The following HDAC9 variants were observed in gnomAD, a reference collection of about 807,000 sequenced individuals.
The protein encoded by HDAC9 is MEF-2 interacting transcription repressor (MITR) protein.
Under a neutral mutation model 139.4 loss-of-function variants are expected in HDAC9, and 41 were observed. The observed-to-expected ratio is 0.29, with a 90% confidence interval of 0.23 to 0.38. The LOEUF is 0.38. Among genes scored for constraint, HDAC9 ranks in the 10% least tolerant of loss-of-function variants. The probability of loss-of-function intolerance (pLI) is 1.00; values close to 1 mark genes in which losing one functional copy is unlikely to be tolerated. For missense variants in HDAC9, 1,147 were observed against 1,297.0 expected (o/e 0.88, Z 1.78); for synonymous variants, 517 against 476.2 (o/e 1.09, Z -1.12).
chr7:18,162,917 C>T (rs1020461750), intron 2 of HDAC9, among the ~76,000 whole-genome samples: 1 of 152,102 alleles, frequency 6.6e-6, no homozygotes, highest in Admixed American at 6.6e-5. Flanking sequence ...AGCCAACACC[C>T]GTTCCTCCAG....
chr7:18,104,747 G>A (rs1160069629), intron 1 of HDAC9, among the ~76,000 whole-genome samples: 1 of 151,862 alleles, frequency 6.6e-6, no homozygotes, highest in Admixed American at 6.6e-5. Context: ...CCTCAGTGTG[G>A]GCATATTCTG....
chr7:18,936,221 C>T (rs528694802), intron 23 of HDAC9, among the ~76,000 whole-genome samples: 3 of 152,034 alleles, frequency 2.0e-5, no homozygotes, highest in Non-Finnish European at 4.4e-5. Context: ...AGTACGGAAA[C>T]ATTGAATAAG....
At chr7:18,991,224 A>G (rs1785906634) in intron 25 of HDAC9, among the ~76,000 whole-genome samples, 1 of 152,172 alleles carries the variant, frequency 6.6e-6, no homozygotes, top group Admixed American at 6.5e-5. Flanking sequence ...ATAACATTGG[A>G]GGGGGGAGAT....
intron 22 of HDAC9, among the ~76,000 whole-genome samples, chr7:18,912,093 C>T (rs959346856): frequency 1.3e-5 from 2 of 151,742 alleles, no homozygotes; most frequent in Non-Finnish European, 1.5e-5. Context: ...TATTGAAGTC[C>T]CTAACTATTT....
intron 1 of HDAC9, among the ~76,000 whole-genome samples, chr7:18,312,627 T>A (rs1799392310): frequency 6.6e-6 from 1 of 152,172 alleles, no homozygotes; most frequent in Non-Finnish European, 1.5e-5. Context: ...CTCTATATGG[T>A]CTTTTATTCT....
chr7:18,382,138 A>G (rs1449247816), intron 1 of HDAC9, among the ~76,000 whole-genome samples: 1 of 152,194 alleles, frequency 6.6e-6, no homozygotes, highest in East Asian at 1.9e-4. Context: ...CCTTTAGGAA[A>G]TATCCAAAAT....
intron 12 of HDAC9, among the ~76,000 whole-genome samples, chr7:18,700,207 C>T (rs1241171850): frequency 1.3e-5 from 2 of 152,188 alleles, no homozygotes; most frequent in Non-Finnish European, 2.9e-5. Flanking sequence ...GTTTCCTCTA[C>T]TTCAACAATC....
chr7:18,987,939 C>G (rs758738925), intron 25 of HDAC9, among the ~76,000 whole-genome samples: 1 of 142,126 alleles, frequency 7.0e-6, no homozygotes, highest in East Asian at 2.0e-4. Flanking sequence ...TTTATCGCAT[C>G]TATTTGATTC....
At chr7:18,759,308 G>C (rs745516581) in intron 14 of HDAC9, among the ~76,000 whole-genome samples, 2 of 152,142 alleles carry the variant, frequency 1.3e-5, no homozygotes, top group African/African-American at 2.4e-5. Context: ...AGGTGAGTGA[G>C]TGAAGCTTCA....
At chr7:18,881,636 A>G (rs143851714) in intron 22 of HDAC9, among the ~76,000 whole-genome samples, 6 of 152,256 alleles carry the variant, frequency 3.9e-5, no homozygotes, top group African/African-American at 1.2e-4. Flanking sequence ...CAAAATCTAT[A>G]AAGAACCTAA....
chr7:18,668,071 A>G, intron 12 of HDAC9: 11 of 973,164 alleles, frequency 1.1e-5, no homozygotes, highest in Non-Finnish European at 1.3e-5. Flanking sequence ...ACTGTATGTT[A>G]TTGGCACGTG....
chr7:18,684,393 A>G (rs1031030903), intron 12 of HDAC9, among the ~76,000 whole-genome samples: 1 of 150,714 alleles, frequency 6.6e-6, no homozygotes, highest in African/African-American at 2.4e-5. Context: ...CAATCCCAGC[A>G]CTTTGGGAGG....
intron 1 of HDAC9, among the ~76,000 whole-genome samples, chr7:18,403,380 T>C (rs995796503): frequency 6.6e-6 from 1 of 152,176 alleles, no homozygotes; most frequent in African/African-American, 2.4e-5. Flanking sequence ...AGAACAGGTT[T>C]AACTATTTTT....
intron 1 of HDAC9, among the ~76,000 whole-genome samples, chr7:18,368,201 T>G (rs1403527164): frequency 6.6e-6 from 1 of 152,122 alleles, no homozygotes; most frequent in African/African-American, 2.4e-5. Context: ...CAGTTAATAC[T>G]TTTTAATGTC....
intron 23 of HDAC9, among the ~76,000 whole-genome samples, chr7:18,951,990 G>T (rs1393344274): frequency 2.6e-5 from 4 of 151,662 alleles, no homozygotes; most frequent in Non-Finnish European, 5.9e-5. Context: ...TTGCATACCT[G>T]CCAGAGAAAA....
intron 12 of HDAC9, among the ~76,000 whole-genome samples, chr7:18,709,633 T>G (rs1784200564): frequency 6.6e-6 from 1 of 152,176 alleles, no homozygotes; most frequent in African/African-American, 2.4e-5. Context: ...CTACAACATG[T>G]TTGTATTTGT....
At chr7:18,460,172 C>T (rs541128470) in intron 1 of HDAC9, among the ~76,000 whole-genome samples, 6 of 152,194 alleles carry the variant, frequency 3.9e-5, no homozygotes, top group African/African-American at 1.4e-4. Flanking sequence ...CCTCCTGCTT[C>T]AGCCTCCCAA....
intron 17 of HDAC9, among the ~76,000 whole-genome samples, chr7:18,801,792 A>G (rs867460328): frequency 2.6e-5 from 4 of 152,138 alleles, no homozygotes; most frequent in Middle Eastern, 3.4e-3. Context: ...TTTTGAGTCA[A>G]TTTAGGAGTG....
In HDAC9 at chr7:18,333,354, A is replaced by C. The variant is rs1042960563; in HGVS notation, c.-42+42839A>C. Among the ~76,000 whole-genome samples the C allele has an allele frequency of 2.0e-5, 3 of 151,570 alleles. No individual in the cohort carries two copies. The Admixed American group carries it at 2.0e-4, about 10-fold the overall frequency. On this transcript the variant is annotated intron_variant, in intron 1 of 3. Coordinates refer to the HDAC9 transcript ENST00000413509. ...ATCTCATGTACAACATGAGGATTAA[A>C]GTTAATAAAATTGTACAGTATTAGG...
Sources: gnomAD v4.1 joint callset for allele counts (sites outside exome capture counted in the v4.1 genomes callset) on GRCh38, gnomAD v4.1.1 for gene constraint, MANE v1.5 for transcripts, NCBI Gene and HGNC (gene_info 2026-07-23, HGNC 2026-07-21) for gene names.